WWOX: variants seen among roughly 807,000 people sequenced by gnomAD.
WWOX encodes WW domain containing oxidoreductase.
A neutral mutation model predicts 46.2 loss-of-function variants in WWOX; 69 were observed. The observed-to-expected ratio is 1.49, with a 90% CI of 1.23 to 1.82. WWOX has a LOEUF of 1.82. Ranked by LOEUF, WWOX falls within the 40% of genes most tolerant of loss-of-function variation. The probability of loss-of-function intolerance (pLI) is 0.00; values close to 1 mark genes in which losing one functional copy is unlikely to be tolerated. For missense variants in WWOX, 919 were observed against 542.6 expected, an observed-to-expected ratio of 1.69 and a Z score of -6.89; for synonymous variants, 359 against 202.6, an observed-to-expected ratio of 1.77 and a Z score of -6.56.
At chr16:78,588,390 G>A (rs1037447408) in intron 8 of WWOX, among the ~76,000 whole-genome samples, 1 of 152,132 alleles carries the variant, frequency 6.6e-6, no homozygotes, top group African/African-American at 2.4e-5. Context: ...ATCTTGGGGG[G>A]CCAGGATGGG....
chr16:79,211,468 C>T, intron 8 of WWOX, 140 bp from the exon 9 acceptor site: 1 of 1,040,596 alleles, frequency 9.6e-7, no homozygotes, highest in Non-Finnish European at 1.5e-6. Context: ...GCTTTCAGCC[C>T]AGTACCCTTT....
intron 5 of WWOX, among the ~76,000 whole-genome samples, chr16:78,270,848 A>G (rs77593509): frequency 3.3e-5 from 5 of 152,152 alleles, no homozygotes; most frequent in African/African-American, 1.2e-4. Context: ...AAATCCAAAG[A>G]AGGCTGTGTG....
chr16:78,582,031 A>G (rs928218179), intron 8 of WWOX, among the ~76,000 whole-genome samples: 3 of 152,200 alleles, frequency 2.0e-5, no homozygotes, highest in Non-Finnish European at 4.4e-5. Context: ...AGACAAGGCA[A>G]AGATCATTTT....
At chr16:78,905,950 A>G (rs1296564372) in intron 8 of WWOX, among the ~76,000 whole-genome samples, 1 of 152,212 alleles carries the variant, frequency 6.6e-6, no homozygotes, top group African/African-American at 2.4e-5. Flanking sequence ...AAAGGACCCA[A>G]GAGCTAAAAG....
intron 8 of WWOX, among the ~76,000 whole-genome samples, chr16:78,836,176 AT>A (rs5818175): frequency 0.19 from 27,978 of 147,232 alleles, 2,767 homozygotes; most frequent in Middle Eastern, 0.32. Flanking sequence ...GTTAACATGC[AT>A]TTTTTTTTTT....
chr16:79,193,659 C>T (rs905528794), intron 8 of WWOX, among the ~76,000 whole-genome samples: 2 of 152,154 alleles, frequency 1.3e-5, no homozygotes, highest in Non-Finnish European at 2.9e-5. Flanking sequence ...TTTCTTACTG[C>T]CGGTCACCTA....
rs148734515 is a variant in WWOX at position 79,037,231 on chromosome 16, TTC to T, written c.1057-174366_1057-174365del. On this transcript the variant is annotated intron_variant, in intron 8 of 8. Coordinates refer to ENST00000566780, the MANE Select transcript of WWOX (RefSeq NM_016373.4). The stretch of plus-strand genomic sequence containing the variant: ...TTGCCAACAGTAATTCATTTGTTCG[TTC>T]TCTCTCTCTCGCTCCTGCTCCTGAC... 2.4e-4 allele frequency among the ~76,000 whole-genome samples: 36 copies of T among 152,182 alleles called. 1 individual carries two copies. The South Asian group carries it at 4.6e-3, about 19-fold the overall frequency.
intron 8 of WWOX, chr16:78,691,314 G>C (rs1168831487): frequency 8.6e-6 from 6 of 700,498 alleles, no homozygotes; most frequent in Non-Finnish European, 1.6e-5. Context: ...CCTTGTAAAA[G>C]ATTTACAATT....
At chr16:78,431,042 T>A (rs1179802771) in intron 7 of WWOX, among the ~76,000 whole-genome samples, 4 of 152,236 alleles carry the variant, frequency 2.6e-5, no homozygotes, top group Non-Finnish European at 5.9e-5. Flanking sequence ...AAGCAGAATA[T>A]GAGGGGTCCT....
intron 8 of WWOX, chr16:79,077,926 T>C (rs2048690222): frequency 6.6e-6 from 1 of 152,200 alleles, no homozygotes; most frequent in Non-Finnish European, 1.5e-5. Flanking sequence ...GGGTTGGTTT[T>C]TGGCACCCAT....
chr16:78,577,205 G>C (rs1158509875), intron 8 of WWOX, among the ~76,000 whole-genome samples: 1 of 152,206 alleles, frequency 6.6e-6, no homozygotes, highest in East Asian at 1.9e-4. Flanking sequence ...ACCAAGCCCA[G>C]CTTCAGAAGG....
intron 8 of WWOX, among the ~76,000 whole-genome samples, chr16:78,862,507 T>C (rs1204639867): frequency 1.3e-5 from 2 of 152,034 alleles, no homozygotes; most frequent in African/African-American, 4.8e-5. Flanking sequence ...TTTCTGTATA[T>C]ATGTATAAAG....
chr16:78,557,218 A>T (rs79414472), intron 8 of WWOX, among the ~76,000 whole-genome samples: 6,451 of 147,722 alleles, frequency 0.044, 307 homozygotes, highest in African/African-American at 0.11. Flanking sequence ...GGAAAGACCA[A>T]TTATCATGAT....
chr16:78,659,715 G>T (rs1371182609), intron 8 of WWOX, among the ~76,000 whole-genome samples: 2 of 152,064 alleles, frequency 1.3e-5, no homozygotes, highest in Non-Finnish European at 1.5e-5. Context: ...GTGCCCAAAA[G>T]TCTTAGAAAA....
At chr16:79,143,606 G>C (rs932180479) in intron 8 of WWOX, among the ~76,000 whole-genome samples, 3 of 152,160 alleles carry the variant, frequency 2.0e-5, no homozygotes, top group Admixed American at 6.5e-5. Context: ...TAAAAATTAT[G>C]ATAATAATAT....
At chr16:78,835,572 A>G (rs1282687441) in intron 8 of WWOX, among the ~76,000 whole-genome samples, 1 of 152,194 alleles carries the variant, frequency 6.6e-6, no homozygotes, top group Non-Finnish European at 1.5e-5. Context: ...ACACATATTG[A>G]TATCAGACCT....
intron 6 of WWOX, among the ~76,000 whole-genome samples, chr16:78,392,207 G>C (rs7193029): frequency 0.25 from 37,260 of 151,724 alleles, 5,933 homozygotes; most frequent in African/African-American, 0.42. Context: ...ACTCTCATTA[G>C]TGCCTCAGGT....
chr16:79,145,011 G>T (rs1412191527), intron 8 of WWOX, among the ~76,000 whole-genome samples: 1 of 152,146 alleles, frequency 6.6e-6, no homozygotes, highest in Non-Finnish European at 1.5e-5. Flanking sequence ...TATATCCCCT[G>T]TGCAGAAGCG....
intron 5 of WWOX, among the ~76,000 whole-genome samples, chr16:78,220,544 A>C (rs2036855316): frequency 1.3e-5 from 2 of 152,178 alleles, no homozygotes; most frequent in African/African-American, 4.8e-5. Context: ...TGTTCAGTTT[A>C]ACCATCTTTT....
Sources: gnomAD v4.1 joint callset for allele counts (sites outside exome capture counted in the v4.1 genomes callset) on GRCh38, gnomAD v4.1.1 for gene constraint, MANE v1.5 for transcripts, NCBI Gene and HGNC (gene_info 2026-07-23, HGNC 2026-07-21) for gene names.